FBXL7: variants seen among roughly 807,000 people sequenced by gnomAD.
The protein encoded by FBXL7 is F-box/LRR-repeat protein 7.
A neutral mutation model predicts 38.3 loss-of-function variants in FBXL7; 12 were observed. The observed-to-expected ratio is 0.31, with a 90% CI of 0.20 to 0.51. The LOEUF (loss-of-function observed/expected upper bound fraction) is 0.51, where lower values mean the gene tolerates loss of function less well. Ranked by LOEUF, FBXL7 falls within the 20% of genes least tolerant of loss-of-function variation. FBXL7 has a pLI of 0.98. For synonymous variants in FBXL7, 297 were observed against 300.9 expected (o/e 0.99, Z 0.13); for missense variants, 567 against 676.4 (o/e 0.84, Z 1.79).
chr5:15,777,325 T>C (rs1014194508), intron 2 of FBXL7, among the ~76,000 whole-genome samples: 9 of 152,070 alleles, frequency 5.9e-5, no homozygotes, highest in African/African-American at 2.2e-4. Context: ...CTTTATTATA[T>C]CAAATAATGT....
At chr5:15,729,607 T>A (rs1012506033) in intron 2 of FBXL7, among the ~76,000 whole-genome samples, 2 of 152,168 alleles carry the variant, frequency 1.3e-5, no homozygotes, top group Non-Finnish European at 1.5e-5. Context: ...TCAGTAGTAA[T>A]GTTTATCTTT....
chr5:15,685,062 G>A lies in FBXL7; in HGVS notation c.127+68990G>A, dbSNP rs112340714. ...TTCTGCTTGTGACATTTAGTAAGTCGGATCCCTGCTTATCTAAAATTTTAC... is the reference window on the plus strand; with the variant it reads ...TTCTGCTTGTGACATTTAGTAAGTCAGATCCCTGCTTATCTAAAATTTTAC... On this transcript the variant is annotated intron_variant, in intron 2 of 3. Coordinates refer to ENST00000504595, the MANE Select transcript of FBXL7 (RefSeq NM_012304.5). Among the ~76,000 whole-genome samples, 216 of 151,740 alleles carry A rather than the reference G, an allele frequency of 1.4e-3. 1 individual carries two copies. The highest frequency in any genetic ancestry group is 5.0e-3 in the African/African-American group (209 of 41,394).
chr5:15,566,379 T>C (rs2126444198), intron 1 of FBXL7, among the ~76,000 whole-genome samples: 1 of 152,272 alleles, frequency 6.6e-6, no homozygotes, highest in South Asian at 2.1e-4. Context: ...CGCTGTCTTC[T>C]TCTGTTTTAT....
chr5:15,559,931 C>T (rs1366807000), intron 1 of FBXL7, among the ~76,000 whole-genome samples: 2 of 152,184 alleles, frequency 1.3e-5, no homozygotes, highest in Non-Finnish European at 2.9e-5. Flanking sequence ...ATGCAGAATC[C>T]AGTTACACGC....
chr5:15,820,951 C>A (rs1273208313), intron 2 of FBXL7, among the ~76,000 whole-genome samples: 1 of 152,160 alleles, frequency 6.6e-6, no homozygotes, highest in Non-Finnish European at 1.5e-5. Flanking sequence ...CACCCCTCCA[C>A]CACCCCGCAA....
rs139540091 is a variant in FBXL7, at chr5:15,753,866, C to T, written c.127+137794C>T. Among the ~76,000 whole-genome samples, 119 of 152,186 alleles carry T rather than the reference C, an allele frequency of 7.8e-4. 1 individual carries two copies. Among genetic ancestry groups the T allele is most frequent in the East Asian group, 6.0e-3 (31 of 5,184 alleles). ...AACTATGGCATAATAAACAATAATG[C>T]TATTCTGGAACATGGAAAGTCCTGG... On this transcript the variant is annotated intron_variant, in intron 2 of 3. Coordinates refer to ENST00000504595, the MANE Select transcript of FBXL7 (RefSeq NM_012304.5).
intron 1 of FBXL7, among the ~76,000 whole-genome samples, chr5:15,546,215 A>C (rs1054505868): frequency 9.9e-5 from 15 of 152,178 alleles, no homozygotes; most frequent in African/African-American, 3.6e-4. Flanking sequence ...GGATTACCTG[A>C]GGTCAGGAGT....
At chr5:15,871,190 G>A (rs1009772618) in intron 2 of FBXL7, among the ~76,000 whole-genome samples, 7 of 152,170 alleles carry the variant, frequency 4.6e-5, no homozygotes, top group African/African-American at 1.7e-4. Context: ...TGGACCCCCA[G>A]CAAACTCCAG....
chr5:15,674,183 A>G (rs956527478), intron 2 of FBXL7, among the ~76,000 whole-genome samples: 2 of 152,238 alleles, frequency 1.3e-5, no homozygotes, highest in African/African-American at 2.4e-5. Context: ...GTGATAATTC[A>G]TTGCAATGCC....
chr5:15,827,132 G>A (rs1005758287), intron 2 of FBXL7, among the ~76,000 whole-genome samples: 2 of 152,064 alleles, frequency 1.3e-5, no homozygotes, highest in Non-Finnish European at 2.9e-5. Context: ...TTAATTTGGA[G>A]ATGCATCACC....
intron 2 of FBXL7, among the ~76,000 whole-genome samples, chr5:15,669,924 A>C (rs1047884147): frequency 6.6e-6 from 1 of 152,168 alleles, no homozygotes; most frequent in Non-Finnish European, 1.5e-5. Context: ...TCCTGCAATG[A>C]AATGTGAGTG....
intron 2 of FBXL7, among the ~76,000 whole-genome samples, chr5:15,729,770 G>C (rs979665038): frequency 2.0e-5 from 3 of 152,110 alleles, no homozygotes; most frequent in Non-Finnish European, 4.4e-5. Flanking sequence ...ACTTTTTAGT[G>C]CTTACTGTGC....
rs947052386 is a variant in FBXL7 at position 15,939,526 on chromosome 5, C to G, written c.*2340C>G. On this transcript the variant is annotated 3_prime_UTR_variant, in exon 4 of 4. Transcript: ENST00000504595. ...CCAGTTTCTTCTTTTCTCCCAGTCT[C>G]CTGTTCATCCATTCTGTTCTCCCTT... 3 of 152,732 alleles carry G rather than the reference C, an allele frequency of 2.0e-5. No individual in the cohort carries two copies. The highest frequency in any genetic ancestry group is 7.2e-5 in the African/African-American group (3 of 41,452). The allele number at this position is 152,732 out of a possible 1,614,324, so 9.5% of individuals were successfully genotyped here. A position where few individuals can be genotyped will look rare whatever the true frequency, so the allele number is the denominator to read the frequency against.
chr5:15,593,295 A>AG (rs1739533440), intron 1 of FBXL7, among the ~76,000 whole-genome samples: 1 of 152,054 alleles, frequency 6.6e-6, no homozygotes, highest in Non-Finnish European at 1.5e-5. Context: ...AGGCCGAGGC[A>AG]GGTGGATCAC....
intron 2 of FBXL7, among the ~76,000 whole-genome samples, chr5:15,829,349 G>A (rs2126771969): frequency 6.6e-6 from 1 of 152,102 alleles, no homozygotes; most frequent in African/African-American, 2.4e-5. Flanking sequence ...ATTTGTAACT[G>A]CAAAAATACT....
chr5:15,847,436 G>A (rs182985586), intron 2 of FBXL7, among the ~76,000 whole-genome samples: 1 of 152,214 alleles, frequency 6.6e-6, no homozygotes, highest in African/African-American at 2.4e-5. Context: ...ACCTTTCACT[G>A]GGTCCCTCCC....
chr5:15,540,615 C>G (rs1381767742), intron 1 of FBXL7, among the ~76,000 whole-genome samples: 1 of 152,140 alleles, frequency 6.6e-6, no homozygotes, highest in Non-Finnish European at 1.5e-5. Flanking sequence ...AACAAAGTAC[C>G]ATACCCTGGG....
At chr5:15,854,400 A>G (rs1270476552) in intron 2 of FBXL7, among the ~76,000 whole-genome samples, 1 of 152,196 alleles carries the variant, frequency 6.6e-6, no homozygotes, top group African/African-American at 2.4e-5. Context: ...ATCTTTCAGT[A>G]GGATCTGAAG....
chr5:15,532,593 C>G lies in FBXL7; in HGVS notation c.37+31880C>G, dbSNP rs73751973. ...CAAAAACTTTACTGACCAACTGGGACCAAAGCTGCCTGGTGGCCAGAAATA... is the reference window on the plus strand; with the variant it reads ...CAAAAACTTTACTGACCAACTGGGAGCAAAGCTGCCTGGTGGCCAGAAATA... On this transcript the variant is annotated intron_variant, in intron 1 of 3. Coordinates refer to ENST00000504595, the MANE Select transcript of FBXL7 (RefSeq NM_012304.5). Among the ~76,000 whole-genome samples the G allele has an allele frequency of 8.9e-3, 1,359 of 152,282 alleles. 18 individuals are homozygous for G. Among genetic ancestry groups the G allele is most frequent in the African/African-American group, 0.03 (1,260 of 41,554 alleles).
Sources: gnomAD v4.1 joint callset for allele counts (sites outside exome capture counted in the v4.1 genomes callset) on GRCh38, gnomAD v4.1.1 for gene constraint, MANE v1.5 for transcripts, NCBI Gene and HGNC (gene_info 2026-07-23, HGNC 2026-07-21) for gene names.